Variants in MROH9 observed in about 807,000 individuals in gnomAD.
The protein encoded by MROH9 is maestro heat-like repeat-containing protein family member 9.
Under a neutral mutation model 98.2 loss-of-function variants are expected in MROH9, and 92 were observed. That is an observed-to-expected ratio of 0.94 (90% CI 0.79 to 1.11). The LOEUF is 1.11. MROH9 is among the 50% of genes most tolerant of loss of function. MROH9 has a pLI of 0.00. For missense variants in MROH9, 1,057 were observed against 1,014.8 expected (o/e 1.04, Z -0.57); for synonymous variants, 397 against 368.9 (o/e 1.08, Z -0.87).
intron 17 of MROH9, among the ~76,000 whole-genome samples, chr1:171,021,674 G>T (rs893161564): frequency 6.6e-6 from 1 of 151,918 alleles, no homozygotes; most frequent in Non-Finnish European, 1.5e-5. Flanking sequence ...AGGCAATAGC[G>T]TTCAGGACAT....
chr1:171,028,083 T>C (rs752525407), intron 20 of MROH9, among the ~76,000 whole-genome samples: 3 of 152,216 alleles, frequency 2.0e-5, no homozygotes, highest in Non-Finnish European at 4.4e-5. Flanking sequence ...TTGCTTTTGG[T>C]GTTTTTGTCA....
intron 8 of MROH9, among the ~76,000 whole-genome samples, chr1:170,980,961 A>T (rs1650907400): frequency 6.6e-6 from 1 of 152,060 alleles, no homozygotes; most frequent in African/African-American, 2.4e-5. Flanking sequence ...TGGGCAAAGG[A>T]TACAAACAGA....
chr1:170,948,175 G>A (rs1428887813), intron 3 of MROH9, among the ~76,000 whole-genome samples: 1 of 151,954 alleles, frequency 6.6e-6, no homozygotes, highest in Non-Finnish European at 1.5e-5. Context: ...TTAAAATTCT[G>A]AACCTCTAAT....
At chr1:170,970,731 T>TGTGTGTGTGTGTGTGTGAGAGA (rs1491154307) in intron 7 of MROH9, among the ~76,000 whole-genome samples, 2 of 90,802 alleles carry the variant, frequency 2.2e-5, no homozygotes, top group African/African-American at 8.7e-5. Context: ...TGTGTGTGTG[T>TGTGTGTGTGTGTGTGTGAGAGA]GAGAGAGAGA....
intron 20 of MROH9, among the ~76,000 whole-genome samples, chr1:171,059,214 TA>T (rs1653941923): frequency 6.6e-6 from 1 of 150,836 alleles, no homozygotes; most frequent in Non-Finnish European, 1.5e-5. Flanking sequence ...GTGGGCAAAG[TA>T]ACAAAAGTGG....
intron 20 of MROH9, among the ~76,000 whole-genome samples, chr1:171,052,855 T>A (rs1332001375): frequency 6.6e-6 from 1 of 152,082 alleles, no homozygotes; most frequent in Non-Finnish European, 1.5e-5. Flanking sequence ...AAATACGCCT[T>A]AGTAGGGAGT....
chr1:170,941,399 A>AT (rs1183380545), intron 1 of MROH9, among the ~76,000 whole-genome samples: 1 of 151,898 alleles, frequency 6.6e-6, no homozygotes, highest in Admixed American at 6.6e-5. Flanking sequence ...TCATGACTCA[A>AT]TTTTTTATTT....
chr1:170,981,752 A>G lies in MROH9; in HGVS notation c.617-1670A>G, dbSNP rs550436989. Among the ~76,000 whole-genome samples, 4 of 152,066 alleles carry G rather than the reference A, an allele frequency of 2.6e-5. No homozygotes were observed. The South Asian group carries it at 8.3e-4, about 32-fold the overall frequency. Reference sequence around the variant, plus strand: ...TTTTTTTTAGAAGAAATAAAAAAAAAAAACTCTCTATGAAAAAAGACAACC... The same window carrying G: ...TTTTTTTTAGAAGAAATAAAAAAAAGAAACTCTCTATGAAAAAAGACAACC... On this transcript the variant is annotated intron_variant, in intron 8 of 21. Transcript: ENST00000367759.
chr1:170,976,360 C>CAG (rs147106421), intron 8 of MROH9, among the ~76,000 whole-genome samples: 48,215 of 151,968 alleles, frequency 0.32, 7,743 homozygotes, highest in Middle Eastern at 0.45. Context: ...ATTTCTTCAG[C>CAG]ATTTGCTTGT....
rs547179124 is a variant in MROH9, at chr1:171,025,332, G to A, written c.2193G>A (p.Arg731=). Reference sequence around the variant, plus strand: ...TTTATTCTCAGATTATTTCTCATAGGAACTACATTACAGATTTGACATCTG... The same window carrying A: ...TTTATTCTCAGATTATTTCTCATAGAAACTACATTACAGATTTGACATCTG... The part of the protein sequence containing the change: ...NICNNLIISH[R]NYITDLTSDT... Residue 731 remains arginine, a synonymous_variant, in exon 20 of 22, where the codon AGG becomes AGA. Transcript: ENST00000367759. 1.3e-6 allele frequency: 2 copies of A among 1,544,964 alleles called. No individual in the cohort carries two copies. Among genetic ancestry groups the A allele is most frequent in the Middle Eastern group, 3.4e-4 (2 of 5,968 alleles).
intron 7 of MROH9, among the ~76,000 whole-genome samples, chr1:170,970,700 T>G (rs1309389104): frequency 2.0e-5 from 2 of 101,582 alleles, no homozygotes; most frequent in African/African-American, 8.0e-5. Flanking sequence ...CCTTAGGAAT[T>G]TCTGTGTGTG....
chr1:171,052,392 C>A (rs370400817), intron 20 of MROH9, among the ~76,000 whole-genome samples: 1 of 152,244 alleles, frequency 6.6e-6, no homozygotes, highest in East Asian at 1.9e-4. Context: ...GGGTAAAGCA[C>A]CCAGTGATGT....
chr1:170,980,815 T>A (rs1367660716), intron 8 of MROH9, among the ~76,000 whole-genome samples: 2 of 151,982 alleles, frequency 1.3e-5, no homozygotes, highest in Admixed American at 6.6e-5. Context: ...AAGAAACTAT[T>A]ATCAGAGTGA....
At chr1:170,940,914 T>C (rs1245059024) in intron 1 of MROH9, among the ~76,000 whole-genome samples, 1 of 152,168 alleles carries the variant, frequency 6.6e-6, no homozygotes, top group African/African-American at 2.4e-5. Flanking sequence ...ATTCCACAGT[T>C]CCGGCAACCA....
chr1:170,954,607 T>C (rs548834485), intron 3 of MROH9, among the ~76,000 whole-genome samples: 1 of 152,094 alleles, frequency 6.6e-6, no homozygotes, highest in Non-Finnish European at 1.5e-5. Flanking sequence ...TCATGCCAAT[T>C]TACGTTCATG....
intron 9 of MROH9, among the ~76,000 whole-genome samples, chr1:170,985,748 AC>A (rs5778691): frequency 0.018 from 2,509 of 141,470 alleles, 81 homozygotes; most frequent in African/African-American, 0.061. Flanking sequence ...AGCCTTGGTT[AC>A]CCCCCTCTAA....
intron 8 of MROH9, among the ~76,000 whole-genome samples, chr1:170,980,624 A>G (rs1240647474): frequency 6.6e-6 from 1 of 152,224 alleles, no homozygotes; most frequent in Non-Finnish European, 1.5e-5. Flanking sequence ...TTATCTCAAA[A>G]TGGATTAAGA....
intron 9 of MROH9, among the ~76,000 whole-genome samples, chr1:170,983,934 G>A (rs551426147): frequency 7.9e-5 from 12 of 152,236 alleles, no homozygotes; most frequent in African/African-American, 2.6e-4. Flanking sequence ...TAATGACACT[G>A]TGATTTTGAT....
At chr1:170,998,897 A>T in intron 15 of MROH9, 1 of 282,970 alleles carries the variant, frequency 3.5e-6, no homozygotes, top group Non-Finnish European at 5.3e-6. Flanking sequence ...CTTTGAGGTG[A>T]TTTCAAACAC....
Sources: allele counts gnomAD v4.1 joint callset (sites outside exome capture counted in the v4.1 genomes callset), GRCh38; gene constraint gnomAD v4.1.1; transcripts MANE v1.5; gene names NCBI Gene and HGNC (gene_info 2026-07-23, HGNC 2026-07-21).